Variants in GRB10 observed in about 807,000 individuals in gnomAD.
GRB10 encodes growth factor receptor bound protein 10.
In GRB10, 20 loss-of-function variants were observed where a neutral mutation model predicts 80.9. The ratio of observed to expected loss-of-function variants is 0.25; its 90% CI spans 0.17 to 0.36. The LOEUF (loss-of-function observed/expected upper bound fraction) is 0.36, where lower values mean the gene tolerates loss of function less well. GRB10 is among the 10% of genes least tolerant of loss of function. The pLI is 1.00. For synonymous variants in GRB10, 291 were observed against 291.5 expected (o/e 1.00, Z 0.02); for missense variants, 548 against 747.7 (o/e 0.73, Z 3.12).
chr7:50,595,616 C>CACACACACAG (rs1445493642), intron 17 of GRB10, 86 bp from the exon 18 acceptor site: 16 of 757,914 alleles, frequency 2.1e-5, no homozygotes, highest in Admixed American at 5.4e-5. Context: ...CACACACACA[C>CACACACACAG]ACACACACAC....
At chr7:50,687,292 T>TAC (rs1461008561) in intron 5 of GRB10, among the ~76,000 whole-genome samples, 1 of 152,218 alleles carries the variant, frequency 6.6e-6, no homozygotes, top group African/African-American at 2.4e-5. Context: ...ATTGGCAGGA[T>TAC]ACATTCCCCA....
chr7:50,622,594 T>A (rs2052008014), intron 8 of GRB10, among the ~76,000 whole-genome samples: 1 of 152,130 alleles, frequency 6.6e-6, no homozygotes. Context: ...AGTTCCAGCC[T>A]CTCTCCCAGA....
intron 7 of GRB10, among the ~76,000 whole-genome samples, chr7:50,640,752 G>C (rs1391866915): frequency 1.3e-5 from 2 of 152,144 alleles, no homozygotes; most frequent in African/African-American, 4.8e-5. Flanking sequence ...CCTCATCCAT[G>C]ATATCCAGGA....
intron 3 of GRB10, among the ~76,000 whole-genome samples, chr7:50,746,774 C>T (rs1038408352): frequency 6.6e-6 from 1 of 152,128 alleles, no homozygotes; most frequent in Non-Finnish European, 1.5e-5. Flanking sequence ...GGCCTGCACA[C>T]CACCCAGTCT....
chr7:50,721,147 T>A (rs148078955), intron 4 of GRB10, among the ~76,000 whole-genome samples: 1 of 152,262 alleles, frequency 6.6e-6, no homozygotes, highest in Non-Finnish European at 1.5e-5. Flanking sequence ...GAGAATACAG[T>A]AGTCCCCCCC....
chr7:50,791,846 C>T (rs1005904908), intron 1 of GRB10, among the ~76,000 whole-genome samples: 6 of 152,076 alleles, frequency 3.9e-5, no homozygotes, highest in African/African-American at 1.2e-4. Context: ...TTCCTGGAAA[C>T]ATAGTTGGTT....
intron 7 of GRB10, among the ~76,000 whole-genome samples, chr7:50,627,737 C>T (rs978840133): frequency 5.3e-5 from 8 of 152,232 alleles, no homozygotes; most frequent in South Asian, 2.1e-4. Context: ...TCCCAGAACA[C>T]GAGGTGTGTT....
intron 2 of GRB10, among the ~76,000 whole-genome samples, chr7:50,761,169 A>G (rs2075724409): frequency 6.6e-6 from 1 of 152,262 alleles, no homozygotes; most frequent in African/African-American, 2.4e-5. Flanking sequence ...CAGTTAATCA[A>G]TGGCAGAGCG....
intron 2 of GRB10, among the ~76,000 whole-genome samples, chr7:50,766,364 C>A (rs989517416): frequency 6.6e-6 from 1 of 152,182 alleles, no homozygotes; most frequent in African/African-American, 2.4e-5. Context: ...AGGCCCTTTT[C>A]TATACAGGCA....
intron 5 of GRB10, among the ~76,000 whole-genome samples, chr7:50,679,382 G>A (rs964798726): frequency 6.6e-6 from 1 of 152,188 alleles, no homozygotes; most frequent in Non-Finnish European, 1.5e-5. Context: ...AAACTCCGGG[G>A]ACAGAGGATT....
At chr7:50,603,876 C>G (rs778551507) in intron 17 of GRB10, 122 bp downstream of exon 17, 14 of 899,134 alleles carry the variant, frequency 1.6e-5, no homozygotes, top group Non-Finnish European at 2.6e-5. Context: ...CTTTTCTCCT[C>G]TTTAAAATGA....
intron 17 of GRB10, chr7:50,595,781 T>C: frequency 2.2e-6 from 1 of 459,568 alleles, no homozygotes. Context: ...GGGATATGCC[T>C]GACTACAGGG....
intron 2 of GRB10, among the ~76,000 whole-genome samples, chr7:50,762,656 T>G (rs1271214840): frequency 1.3e-5 from 2 of 152,206 alleles, no homozygotes; most frequent in African/African-American, 4.8e-5. Flanking sequence ...CTTCCATATG[T>G]GCCTTAAACA....
At chr7:50,647,979 G>A (rs188489262) in intron 7 of GRB10, among the ~76,000 whole-genome samples, 3 of 152,316 alleles carry the variant, frequency 2.0e-5, no homozygotes, top group Admixed American at 2.0e-4. Flanking sequence ...TGTTGCGTTG[G>A]CAGTGTCTTT....
chr7:50,637,194 C>A (rs950697378), intron 7 of GRB10, among the ~76,000 whole-genome samples: 1 of 152,122 alleles, frequency 6.6e-6, no homozygotes, highest in Admixed American at 6.5e-5. Context: ...CCAGGCTGGT[C>A]TCGAACTCCT....
intron 5 of GRB10, among the ~76,000 whole-genome samples, chr7:50,676,495 G>A (rs954618887): frequency 1.3e-5 from 2 of 152,166 alleles, no homozygotes; most frequent in African/African-American, 2.4e-5. Flanking sequence ...TAACAGCTGA[G>A]GAAATAGGCC....
At chr7:50,634,760 A>G (rs1157665081) in intron 7 of GRB10, among the ~76,000 whole-genome samples, 1 of 152,228 alleles carries the variant, frequency 6.6e-6, no homozygotes, top group Admixed American at 6.5e-5. Context: ...GATAAAACAG[A>G]CTTTAAGCTA....
At chr7:50,734,749 G>T (rs2070497084) in intron 3 of GRB10, among the ~76,000 whole-genome samples, 2 of 152,186 alleles carry the variant, frequency 1.3e-5, no homozygotes, top group Admixed American at 6.5e-5. Context: ...AAGCCCAGTG[G>T]AACAGTTTCC....
At chr7:50,693,157 G>C (rs2063028692) in intron 5 of GRB10, among the ~76,000 whole-genome samples, 1 of 152,134 alleles carries the variant, frequency 6.6e-6, no homozygotes, top group South Asian at 2.1e-4. Context: ...CAGAAAAACA[G>C]CCAGCCCAAA....
Sources: gnomAD v4.1 joint callset for allele counts (sites outside exome capture counted in the v4.1 genomes callset) on GRCh38, gnomAD v4.1.1 for gene constraint, MANE v1.5 for transcripts, NCBI Gene and HGNC (gene_info 2026-07-23, HGNC 2026-07-21) for gene names.